Variants in CACNA1I observed in about 807,000 individuals in gnomAD.
CACNA1I encodes voltage-dependent T-type calcium channel subunit alpha-1I.
Under a neutral mutation model 201.6 loss-of-function variants are expected in CACNA1I, and 74 were observed. The ratio of observed to expected loss-of-function variants is 0.37; its 90% confidence interval spans 0.30 to 0.45. The LOEUF is 0.45. CACNA1I is among the 20% of genes least tolerant of loss of function. The probability of loss-of-function intolerance (pLI) is 1.00; values close to 1 mark genes in which losing one functional copy is unlikely to be tolerated. For missense variants in CACNA1I, 2,346 were observed against 3,138.1 expected (o/e 0.75, Z 6.03); for synonymous variants, 1,431 against 1,345.2 (o/e 1.06, Z -1.40).
chr22:39,628,151 TC>T (rs144942276), intron 4 of CACNA1I, among the ~76,000 whole-genome samples: 3,733 of 152,174 alleles, frequency 0.025, 148 homozygotes, highest in African/African-American at 0.083. Context: ...GGCCACCAGA[TC>T]AAAGGACTGG....
At chr22:39,583,506 G>A (rs132573) in intron 1 of CACNA1I, among the ~76,000 whole-genome samples, 139,660 of 152,260 alleles carry the variant, frequency 0.92, 64,257 homozygotes, top group Middle Eastern at 0.96. Context: ...TCATGCATTC[G>A]TCTGCTTATC....
intron 34 of CACNA1I, among the ~76,000 whole-genome samples, chr22:39,681,488 G>A (rs1461406758): frequency 6.6e-6 from 1 of 152,194 alleles, no homozygotes; most frequent in Non-Finnish European, 1.5e-5. Context: ...TCTGCCGCAC[G>A]GCTCTGTGCA....
chr22:39,676,263 T>G lies in CACNA1I; in HGVS notation c.4855-1078T>G, dbSNP rs966505842. ...CTTCTCAGCGGTCAGGGCCTTACAG[T>G]TGGCCTCACGGGTGCTCAGTAAGTG... On this transcript the variant is annotated intron_variant, in intron 29 of 36. Transcript: ENST00000402142. The surrounding 1 kb of genome is among the most constrained non-coding windows in gnomAD (Gnocchi z 4.8). Among the ~76,000 whole-genome samples, 2 of 152,228 alleles carry G rather than the reference T, an allele frequency of 1.3e-5. No individual in the cohort carries two copies. The highest frequency in any genetic ancestry group is 4.8e-5 in the African/African-American group (2 of 41,454).
At chr22:39,576,209 G>A (rs1194051111) in intron 1 of CACNA1I, among the ~76,000 whole-genome samples, 1 of 152,232 alleles carries the variant, frequency 6.6e-6, no homozygotes, top group Admixed American at 6.5e-5. Context: ...GATGATTAGC[G>A]ATGGTTCCTG....
At chr22:39,600,679 C>T (rs766180233) in intron 3 of CACNA1I, 26 bp downstream of exon 3, 2 of 1,580,414 alleles carry the variant, frequency 1.3e-6, no homozygotes, top group African/African-American at 2.7e-5. Flanking sequence ...CAGGCAGGTC[C>T]TAGCCTCTGG....
At chr22:39,679,488 G>T (rs189752686) in intron 32 of CACNA1I, 43 bp downstream of exon 32, 2 of 1,314,728 alleles carry the variant, frequency 1.5e-6, no homozygotes, top group Non-Finnish European at 1.0e-6. Context: ...CAGAGGGGGG[G>T]CACCGCAGGG....
chr22:39,675,185 C>T (rs1468388394), intron 29 of CACNA1I, among the ~76,000 whole-genome samples: 2 of 152,254 alleles, frequency 1.3e-5, no homozygotes, highest in Non-Finnish European at 2.9e-5. Context: ...GTTTCCTTGC[C>T]TGTGAAATGA....
At chr22:39,591,211 G>A (rs1234129107) in intron 1 of CACNA1I, among the ~76,000 whole-genome samples, 1 of 146,492 alleles carries the variant, frequency 6.8e-6, no homozygotes. Context: ...CCAGGCTGGA[G>A]TGCAATGGCG....
rs1467803144 is a variant in CACNA1I at position 39,663,860 on chromosome 22, T to C, written c.3597+19T>C. ...CAGCACCGTGAGTGGCTGTAGCCTT[T>C]GGGCAGGGCAGGCGCCAGGCCAAGG... On this transcript the variant is annotated intron_variant, in intron 19 of 36. Transcript: ENST00000402142. 5 of 1,612,858 alleles carry C rather than the reference T, an allele frequency of 3.1e-6. No individual in the cohort carries two copies. The highest frequency in any genetic ancestry group is 4.2e-6 in the Non-Finnish European group (5 of 1,179,694).
Position 39,676,306 on chromosome 22 carries a change from G to A in CACNA1I, c.4855-1035G>A, listed in dbSNP as rs1935511312. Reference sequence around the variant, plus strand: ...AGTAAGTGCTTGTTTTATTAATGAAGGGAACATCATTTAATTAGTCAGACA... The same window carrying A: ...AGTAAGTGCTTGTTTTATTAATGAAAGGAACATCATTTAATTAGTCAGACA... On this transcript the variant is annotated intron_variant, in intron 29 of 36. Transcript: ENST00000402142. This position sits in a 1 kb window ranked among gnomAD's most constrained non-coding sequence, Gnocchi z 4.8. Among the ~76,000 whole-genome samples, 1 of 152,194 alleles carries A rather than the reference G, an allele frequency of 6.6e-6. No individual in the cohort carries two copies. The highest frequency in any genetic ancestry group is 1.5e-5 in the Non-Finnish European group (1 of 68,050).
chr22:39,624,118 G>T (rs1462501744), intron 4 of CACNA1I, among the ~76,000 whole-genome samples: 1 of 151,204 alleles, frequency 6.6e-6, no homozygotes, highest in African/African-American at 2.4e-5. Context: ...CTCTGTGAGG[G>T]TGTGTGTATG....
rs1045585935 is a variant in CACNA1I, at chr22:39,640,978, C to G, written c.852C>G (p.Pro284=). The G allele has an allele frequency of 2.5e-6, 4 of 1,613,938 alleles. No individual in the cohort carries two copies. In the African/African-American group the frequency reaches 4.0e-5, roughly 16 times the overall value. ...GGATAATGGGCTGCCATGAGATCCC[C>G]CCGCTCAAGGAGCAGGGCCGTGAGT... is the stretch of plus-strand genomic sequence containing the variant. The part of the protein sequence containing the change: ...DNGIMGCHEI[P]PLKEQGRECC... Residue 284 remains proline, a synonymous_variant, in exon 6 of 37, where the codon CCC becomes CCG. Transcript: ENST00000402142.
chr22:39,638,967 G>A (rs1934289413), intron 5 of CACNA1I, among the ~76,000 whole-genome samples: 1 of 152,234 alleles, frequency 6.6e-6, no homozygotes, highest in African/African-American at 2.4e-5. Flanking sequence ...TGGAGCTCAG[G>A]CAGTAATGCT....
Position 39,686,203 on chromosome 22 carries a change from G to A in CACNA1I, c.6470G>A (p.Ser2157Asn). 1 of 1,262,778 alleles carries A rather than the reference G, an allele frequency of 7.9e-7. No homozygotes were observed. The highest frequency in any genetic ancestry group is 2.8e-5 in the South Asian group (1 of 35,976). 78.2% of individuals were successfully genotyped at this position (1,262,778 alleles called of 1,614,324 possible). Residue 2157 changes from serine (S) to asparagine (N), a missense_variant, in exon 37 of 37, where the codon AGC becomes AAC. This residue lies in a region of CACNA1I where 187 missense variants were observed against 151.0 expected (regional missense o/e 1.24). Transcript: ENST00000402142. ...CCCGCCAGGAAGTTCAGCAGCACCA[G>A]CAGCCTGGCCGCCCCCGGCCGCCCC... ...LTPARKFSST[S>N]SLAAPGRPHA...
rs748100435 is a variant in CACNA1I at position 39,670,845 on chromosome 22, G to A, written c.4430G>A (p.Arg1477Gln). ...LPYYATYCHT[R>Q]LLIHSMCTSH... The stretch of plus-strand genomic sequence containing the variant: ...TACTATGCCACCTATTGTCACACCC[G>A]GCTGCTCATCCACTCCATGTGCACC... The change falls in exon 26 of 37, where the codon CGG becomes CAG. Residue 1477 changes from arginine to glutamine, a missense_variant. By Grantham distance (43) the Arg-to-Gln change is conservative. Transcript: ENST00000402142. 3.1e-6 allele frequency: 5 copies of A among 1,613,724 alleles called. No homozygotes were observed. Among genetic ancestry groups the A allele is most frequent in the Admixed American group, 1.7e-5 (1 of 59,994 alleles).
At chr22:39,617,236 A>G (rs899054947) in intron 3 of CACNA1I, among the ~76,000 whole-genome samples, 19 of 152,182 alleles carry the variant, frequency 1.2e-4, no homozygotes, top group Non-Finnish European at 4.4e-5. Flanking sequence ...GGGGACGGGA[A>G]CAAGTCCTTG....
intron 1 of CACNA1I, among the ~76,000 whole-genome samples, chr22:39,572,498 C>T (rs907048996): frequency 3.3e-5 from 5 of 151,964 alleles, no homozygotes; most frequent in Non-Finnish European, 5.9e-5. Context: ...GCCCTGGATC[C>T]CCCTAACTTT....
At chr22:39,663,630 T>C in intron 18 of CACNA1I, 88 bp from the exon 19 acceptor site, 1 of 1,524,358 alleles carries the variant, frequency 6.6e-7, no homozygotes, top group East Asian at 2.3e-5. Context: ...GCCAGCGTGG[T>C]CTGCACTGCT....
At chr22:39,577,228 G>A (rs56952049) in intron 1 of CACNA1I, among the ~76,000 whole-genome samples, 2,986 of 152,274 alleles carry the variant, frequency 0.02, 105 homozygotes, top group African/African-American at 0.069. Context: ...AAGAGACGGG[G>A]TTTCACCATT....
Sources: allele counts gnomAD v4.1 joint callset (sites outside exome capture counted in the v4.1 genomes callset), GRCh38; gene constraint gnomAD v4.1.1; regional missense constraint gnomAD v4.1.1; non-coding constraint Gnocchi (gnomAD v3.1); transcripts MANE v1.5; gene names NCBI Gene and HGNC (gene_info 2026-07-23, HGNC 2026-07-21).